The following CACNA1E variants were observed in gnomAD, a reference collection of about 807,000 sequenced individuals.
CACNA1E encodes calcium voltage-gated channel subunit alpha1 E.
CACNA1E carries 40 observed loss-of-function variants against 259.2 expected under a neutral mutation model. That is an observed-to-expected ratio of 0.15 (90% CI 0.12 to 0.20). The LOEUF (loss-of-function observed/expected upper bound fraction) is 0.20. CACNA1E is among the 10% of genes least tolerant of loss of function. The pLI is 1.00. For synonymous variants in CACNA1E, 1,104 were observed against 1,138.5 expected (o/e 0.97, Z 0.61); for missense variants, 1,874 against 3,040.1 (o/e 0.62, Z 9.02).
At chr1:181,556,749 G>A (rs1648765286) in intron 3 of CACNA1E, among the ~76,000 whole-genome samples, 1 of 152,176 alleles carries the variant, frequency 6.6e-6, no homozygotes, top group Non-Finnish European at 1.5e-5. Flanking sequence ...ATGAGGTCAT[G>A]GACTGCTAAA....
intron 6 of CACNA1E, among the ~76,000 whole-genome samples, chr1:181,648,419 T>G (rs1658478352): frequency 6.6e-6 from 1 of 152,198 alleles, no homozygotes; most frequent in South Asian, 2.1e-4. Context: ...CCCACTGTAG[T>G]TCCTACATTT....
At chr1:181,433,026 A>T (rs1419519890) in intron 2 of CACNA1E, among the ~76,000 whole-genome samples, 1 of 152,252 alleles carries the variant, frequency 6.6e-6, no homozygotes, top group African/African-American at 2.4e-5. Flanking sequence ...CTTCCAGCAC[A>T]TCTCAGTTTG....
At chr1:181,408,461 A>C (rs1344067736) in intron 1 of CACNA1E, among the ~76,000 whole-genome samples, 1 of 152,214 alleles carries the variant, frequency 6.6e-6, no homozygotes, top group African/African-American at 2.4e-5. Flanking sequence ...CAAAGGACAT[A>C]ATATTTCTTC....
At chr1:181,762,726 TA>T (rs2102718993) in intron 33 of CACNA1E, 69 bp downstream of exon 33, 1 of 883,118 alleles carries the variant, frequency 1.1e-6, no homozygotes, top group Admixed American at 2.2e-5. Flanking sequence ...CTCCTCTGTA[TA>T]TTCAGTCCAT....
intron 7 of CACNA1E, among the ~76,000 whole-genome samples, chr1:181,690,702 A>G (rs1033891942): frequency 1.3e-5 from 2 of 152,076 alleles, no homozygotes; most frequent in African/African-American, 4.8e-5. Context: ...ATCCCTTGTA[A>G]GTTGTATTCC....
At chr1:181,607,277 C>T (rs1170202400) in intron 6 of CACNA1E, among the ~76,000 whole-genome samples, 1 of 152,204 alleles carries the variant, frequency 6.6e-6, no homozygotes, top group Non-Finnish European at 1.5e-5. Flanking sequence ...CCCCTCCTAC[C>T]TAGTCCTGTT....
chr1:181,790,585 A>T (rs1161458074), intron 44 of CACNA1E, 29 bp downstream of exon 44: 3 of 1,306,900 alleles, frequency 2.3e-6, no homozygotes, highest in East Asian at 4.6e-5. Context: ...TGACCTCAAA[A>T]CTACTTCCTT....
At chr1:181,518,082 C>T (rs955031351) in intron 3 of CACNA1E, among the ~76,000 whole-genome samples, 1 of 151,936 alleles carries the variant, frequency 6.6e-6, no homozygotes, top group Non-Finnish European at 1.5e-5. Context: ...GGAGCAAGGG[C>T]AGAATGGGTA....
chr1:181,371,682 T>C (rs146811197), intron 1 of CACNA1E, among the ~76,000 whole-genome samples: 16 of 152,342 alleles, frequency 1.1e-4, no homozygotes, highest in African/African-American at 3.6e-4. Flanking sequence ...CAGAATGGTA[T>C]TTCCTAGGTT....
At chr1:181,375,207 T>C (rs780847216) in intron 1 of CACNA1E, among the ~76,000 whole-genome samples, 4 of 152,148 alleles carry the variant, frequency 2.6e-5, no homozygotes, top group South Asian at 2.1e-4. Context: ...GACACTGAAG[T>C]TGGGGAGACC....
rs146982900 is a variant in CACNA1E, at chr1:181,396,601, A to T, written c.-14-16532A>T. Among the ~76,000 whole-genome samples, 380 of 152,362 alleles carry T rather than the reference A, an allele frequency of 2.5e-3. 1 individual carries two copies. The highest frequency in any genetic ancestry group is 4.5e-3 in the Non-Finnish European group (308 of 68,036). On this transcript the variant is annotated intron_variant, in intron 1 of 11. Coordinates refer to the CACNA1E transcript ENST00000524607. ...TGAAGGAAGTGGTTTTTCTAAGATG[A>T]GAGAAACAACAGTATGTTTGCACAT...
At chr1:181,671,946 C>T (rs897576426) in intron 7 of CACNA1E, among the ~76,000 whole-genome samples, 4 of 152,002 alleles carry the variant, frequency 2.6e-5, no homozygotes, top group African/African-American at 4.8e-5. Flanking sequence ...GAATGTTCAC[C>T]GCAGCACTAT....
At chr1:181,787,156 G>A (rs1185643005) in intron 43 of CACNA1E, among the ~76,000 whole-genome samples, 1 of 152,022 alleles carries the variant, frequency 6.6e-6, no homozygotes, top group Non-Finnish European at 1.5e-5. Flanking sequence ...GTCTCGCTCT[G>A]TTGCCCAGGC....
At chr1:181,437,465 T>G (rs1172981186) in intron 2 of CACNA1E, among the ~76,000 whole-genome samples, 4 of 152,166 alleles carry the variant, frequency 2.6e-5, no homozygotes, top group Non-Finnish European at 5.9e-5. Flanking sequence ...AAGTGGCGAA[T>G]GTTGTCCCCA....
intron 6 of CACNA1E, among the ~76,000 whole-genome samples, chr1:181,642,104 G>A (rs1657841194): frequency 6.6e-6 from 1 of 152,140 alleles, no homozygotes; most frequent in Non-Finnish European, 1.5e-5. Flanking sequence ...GAAGAACTGT[G>A]CAGAGTTGAT....
chr1:181,357,796 A>T (rs962315749), intron 1 of CACNA1E, among the ~76,000 whole-genome samples: 3 of 152,152 alleles, frequency 2.0e-5, no homozygotes, highest in African/African-American at 7.2e-5. Context: ...CAGCCCCCTG[A>T]GGTACCCTTG....
chr1:181,460,279 C>G (rs1661717653), intron 2 of CACNA1E, among the ~76,000 whole-genome samples: 1 of 152,092 alleles, frequency 6.6e-6, no homozygotes, highest in Non-Finnish European at 1.5e-5. Context: ...TGAAGGAAGG[C>G]AGGATGAGCA....
chr1:181,342,032 G>A (rs1394288166), intron 1 of CACNA1E, among the ~76,000 whole-genome samples: 2 of 152,196 alleles, frequency 1.3e-5, no homozygotes, highest in Non-Finnish European at 2.9e-5. Context: ...AGATTTGGGA[G>A]TGTCTTCCAA....
chr1:181,660,426 G>T (rs912692874), intron 7 of CACNA1E, among the ~76,000 whole-genome samples: 3 of 152,208 alleles, frequency 2.0e-5, no homozygotes, highest in Non-Finnish European at 4.4e-5. Flanking sequence ...AGTCCAGAAG[G>T]CTAGTCCCTC....
Sources: gnomAD v4.1 joint callset for allele counts (sites outside exome capture counted in the v4.1 genomes callset) on GRCh38, gnomAD v4.1.1 for gene constraint, MANE v1.5 for transcripts, NCBI Gene and HGNC (gene_info 2026-07-23, HGNC 2026-07-21) for gene names.